BMPR1B: variants seen among roughly 807,000 people sequenced by gnomAD.
BMPR1B encodes bone morphogenetic protein receptor type-1B.
In BMPR1B, 12 loss-of-function variants were observed where a neutral mutation model predicts 59.1. That is an observed-to-expected ratio of 0.20 (90% CI 0.13 to 0.33). BMPR1B has a LOEUF of 0.33. Ranked by LOEUF, BMPR1B falls within the 10% of genes least tolerant of loss-of-function variation. The probability of loss-of-function intolerance (pLI) is 1.00; values close to 1 mark genes in which losing one functional copy is unlikely to be tolerated. For missense variants in BMPR1B, 550 were observed against 610.9 expected (o/e 0.90, Z 1.05); for synonymous variants, 237 against 207.3 (o/e 1.14, Z -1.23).
rs199696444 is a variant in BMPR1B, at chr4:94,881,787, CT to C, written c.-113+5894del. ...GCCTAATATTTCGACCTTTCTAGGC[CT>C]TTTTTTCTTCAGCCATAAAATAAGG... On this transcript the variant is annotated intron_variant, in intron 2 of 12. Transcript: ENST00000515059. Among the ~76,000 whole-genome samples the C allele has an allele frequency of 5.1e-3, 783 of 152,158 alleles. 22 individuals carry two copies. Among genetic ancestry groups the C allele is most frequent in the East Asian group, 0.036 (186 of 5,168 alleles).
intron 2 of BMPR1B, among the ~76,000 whole-genome samples, chr4:94,956,373 C>T (rs1036098987): frequency 6.6e-6 from 1 of 152,008 alleles, no homozygotes; most frequent in Admixed American, 6.6e-5. Flanking sequence ...TTTATGATAA[C>T]CCCCTCCCCA....
intron 2 of BMPR1B, among the ~76,000 whole-genome samples, chr4:94,883,826 A>G (rs1279613571): frequency 1.3e-5 from 2 of 152,096 alleles, no homozygotes; most frequent in Admixed American, 1.3e-4. Context: ...TTCTTCATTA[A>G]GCTCAAAGTT....
chr4:94,829,142 G>A lies in BMPR1B; in HGVS notation c.-182-46689G>A, dbSNP rs746439337. ...TGACCTCACATACCACACCCTGACT[G>A]TACCTTAAGTTTATGCTTCTGTGAG... On this transcript the variant is annotated intron_variant, in intron 1 of 12. Coordinates refer to ENST00000515059, the MANE Select transcript of BMPR1B (RefSeq NM_001203.3). 2.6e-4 allele frequency among the ~76,000 whole-genome samples: 39 copies of A among 152,084 alleles called. 1 individual carries two copies. Among genetic ancestry groups the A allele is most frequent in the Admixed American group, 2.2e-3 (33 of 15,252 alleles).
chr4:95,063,747 T>C (rs1727588831), intron 3 of BMPR1B, among the ~76,000 whole-genome samples: 1 of 152,084 alleles, frequency 6.6e-6, no homozygotes, highest in Admixed American at 6.6e-5. Flanking sequence ...TTGAAAAACA[T>C]GCTGTATGAC....
At chr4:94,870,712 CA>C (rs1726454011) in intron 1 of BMPR1B, among the ~76,000 whole-genome samples, 1 of 152,198 alleles carries the variant, frequency 6.6e-6, no homozygotes, top group Admixed American at 6.5e-5. Context: ...TAGTCTTCAG[CA>C]AAAATTAGCC....
intron 10 of BMPR1B, among the ~76,000 whole-genome samples, chr4:95,140,726 C>T (rs777714696): frequency 6.6e-6 from 1 of 152,080 alleles, no homozygotes; most frequent in African/African-American, 2.4e-5. Flanking sequence ...ATATATTTCC[C>T]ATTTAACATG....
intron 1 of BMPR1B, among the ~76,000 whole-genome samples, chr4:94,802,369 G>T (rs1723441001): frequency 6.6e-6 from 1 of 152,022 alleles, no homozygotes; most frequent in South Asian, 2.1e-4. Context: ...TCTGCCTCTG[G>T]GAAACTCCTC....
intron 10 of BMPR1B, among the ~76,000 whole-genome samples, chr4:95,136,227 G>T (rs915178619): frequency 6.6e-6 from 1 of 152,144 alleles, no homozygotes; most frequent in Admixed American, 6.6e-5. Context: ...ATTTGTGTAT[G>T]TTGAACCAGC....
At chr4:95,074,912 A>G (rs1389269273) in intron 3 of BMPR1B, among the ~76,000 whole-genome samples, 1 of 152,156 alleles carries the variant, frequency 6.6e-6, no homozygotes, top group African/African-American at 2.4e-5. Flanking sequence ...AAATAGAGGT[A>G]TGTTTTGGGA....
At chr4:95,039,305 G>T (rs1311694881) in intron 3 of BMPR1B, among the ~76,000 whole-genome samples, 1 of 152,062 alleles carries the variant, frequency 6.6e-6, no homozygotes, top group Non-Finnish European at 1.5e-5. Flanking sequence ...ACAAGGCAGA[G>T]AATGTAGTAT....
intron 6 of BMPR1B, among the ~76,000 whole-genome samples, chr4:95,123,321 ACTTC>A (rs2149290125): frequency 6.6e-6 from 1 of 152,276 alleles, no homozygotes; most frequent in South Asian, 2.1e-4. Context: ...TGAGGGGTCC[ACTTC>A]CTTTTTATCC....
At chr4:95,088,921 T>A (rs1729784714) in intron 3 of BMPR1B, among the ~76,000 whole-genome samples, 1 of 152,146 alleles carries the variant, frequency 6.6e-6, no homozygotes, top group African/African-American at 2.4e-5. Context: ...ATTCTGTAGG[T>A]AAATACAGGG....
At chr4:94,818,684 G>A (rs901268614) in intron 1 of BMPR1B, among the ~76,000 whole-genome samples, 13 of 152,174 alleles carry the variant, frequency 8.5e-5, no homozygotes, top group Admixed American at 6.5e-4. Flanking sequence ...CTACTATGAA[G>A]CGATTTCCTC....
chr4:94,794,998 G>T (rs1412313103), intron 1 of BMPR1B, among the ~76,000 whole-genome samples: 1 of 144,682 alleles, frequency 6.9e-6, no homozygotes, highest in African/African-American at 2.6e-5. Context: ...TTTCCTAATT[G>T]AATACCCTTT....
At chr4:94,863,337 T>G (rs1726076139) in intron 1 of BMPR1B, among the ~76,000 whole-genome samples, 1 of 151,996 alleles carries the variant, frequency 6.6e-6, no homozygotes, top group Non-Finnish European at 1.5e-5. Flanking sequence ...AAATAAAAGT[T>G]AAAAGGAAGT....
Position 94,836,005 on chromosome 4 carries a change from C to T in BMPR1B, c.-182-39826C>T, listed in dbSNP as rs1050566514. 1.0e-3 allele frequency among the ~76,000 whole-genome samples: 152 copies of T among 146,900 alleles called. 2 individuals are homozygous for T. The highest frequency in any genetic ancestry group is 9.7e-3 in the Admixed American group (141 of 14,486). On this transcript the variant is annotated intron_variant, in intron 1 of 12. Coordinates refer to ENST00000515059, the MANE Select transcript of BMPR1B (RefSeq NM_001203.3). ...ATTCCCACCTATGAGTGAGAATGTG[C>T]GGTGTTTGGTTTTTTGTTCTTGTGA... is the stretch of plus-strand genomic sequence containing the variant.
chr4:95,079,317 G>A (rs1728939022), intron 3 of BMPR1B, among the ~76,000 whole-genome samples: 1 of 152,144 alleles, frequency 6.6e-6, no homozygotes, highest in South Asian at 2.1e-4. Flanking sequence ...CGTACCTCAA[G>A]AAAACTTTAT....
chr4:95,018,304 T>C (rs752850627), intron 3 of BMPR1B, among the ~76,000 whole-genome samples: 6 of 152,208 alleles, frequency 3.9e-5, no homozygotes, highest in Non-Finnish European at 8.8e-5. Context: ...TTGGGAATTG[T>C]ATGGAAATAC....
chr4:95,019,384 T>C (rs979491915), intron 3 of BMPR1B, among the ~76,000 whole-genome samples: 11 of 152,208 alleles, frequency 7.2e-5, no homozygotes, highest in Admixed American at 2.0e-4. Context: ...TAAATGGAAC[T>C]GCTTTACTTA....
Sources: allele counts gnomAD v4.1 joint callset (sites outside exome capture counted in the v4.1 genomes callset), GRCh38; gene constraint gnomAD v4.1.1; transcripts MANE v1.5; gene names NCBI Gene and HGNC (gene_info 2026-07-23, HGNC 2026-07-21).